Variants in SERGEF observed in about 807,000 individuals in gnomAD.
SERGEF encodes secretion-regulating guanine nucleotide exchange factor.
Under a neutral mutation model 50.0 loss-of-function variants are expected in SERGEF, and 51 were observed. The observed-to-expected ratio is 1.02, with a 90% CI of 0.81 to 1.29. The LOEUF (loss-of-function observed/expected upper bound fraction) is 1.29. Ranked by LOEUF, SERGEF falls within the 50% of genes most tolerant of loss-of-function variation. SERGEF has a pLI of 0.00. For missense variants in SERGEF, 521 were observed against 557.0 expected (o/e 0.94, Z 0.65); for synonymous variants, 205 against 212.4 (o/e 0.97, Z 0.30).
chr11:17,869,575 G>A (rs953420769), intron 10 of SERGEF, among the ~76,000 whole-genome samples: 2 of 152,168 alleles, frequency 1.3e-5, no homozygotes, highest in African/African-American at 4.8e-5. Flanking sequence ...GTCCTCACAT[G>A]GCAAAAGGGG....
chr11:17,796,333 G>A (rs1427415005), intron 10 of SERGEF, among the ~76,000 whole-genome samples: 1 of 152,172 alleles, frequency 6.6e-6, no homozygotes, highest in Non-Finnish European at 1.5e-5. Flanking sequence ...GTTGGGCCCT[G>A]CTATGGTTTG....
rs1461172801 is a variant in SERGEF at position 17,828,837 on chromosome 11, G to GA, written c.1049-40425dup. Among the ~76,000 whole-genome samples, 3 of 152,070 alleles carry GA rather than the reference G, an allele frequency of 2.0e-5. No homozygotes were observed. In the East Asian group the frequency reaches 5.8e-4, roughly 29 times the overall value. The stretch of plus-strand genomic sequence containing the variant: ...TACGACATTCAACCCCTGCTTCCCC[G>GA]AGAGTCCCTACAGGCTCATCAAGGT... On this transcript the variant is annotated intron_variant, in intron 10 of 10. Coordinates refer to ENST00000265965, the MANE Select transcript of SERGEF (RefSeq NM_012139.4).
intron 9 of SERGEF, among the ~76,000 whole-genome samples, chr11:17,941,650 G>A (rs1485637929): frequency 6.6e-6 from 1 of 152,152 alleles, no homozygotes; most frequent in African/African-American, 2.4e-5. Flanking sequence ...TATATATCCA[G>A]AAGTGGAATT....
At chr11:17,864,873 A>G (rs1850992985) in intron 10 of SERGEF, among the ~76,000 whole-genome samples, 1 of 152,198 alleles carries the variant, frequency 6.6e-6, no homozygotes, top group African/African-American at 2.4e-5. Context: ...GTAATGCCTT[A>G]GGACTGCTCT....
intron 5 of SERGEF, among the ~76,000 whole-genome samples, chr11:17,997,912 G>T (rs1853871710): frequency 6.6e-6 from 1 of 152,276 alleles, no homozygotes. Context: ...AATGGGTATA[G>T]AGTTTCAATT....
chr11:17,999,061 C>A (rs1463496410), intron 5 of SERGEF, among the ~76,000 whole-genome samples: 1 of 152,020 alleles, frequency 6.6e-6, no homozygotes, highest in South Asian at 2.1e-4. Context: ...TGAATGTCTA[C>A]GGAATTATGT....
chr11:18,012,766 C>CCCTT lies in SERGEF; in HGVS notation c.60+181_60+184dup. 8.4e-6 allele frequency: 12 copies of CCCTT among 1,436,120 alleles called. No individual in the cohort carries two copies. In the South Asian group the frequency reaches 1.5e-4, roughly 18 times the overall value. 89.0% of individuals were successfully genotyped at this position (1,436,120 alleles called of 1,614,324 possible). A position where few individuals can be genotyped will look rare whatever the true frequency, so the allele number is the denominator to read the frequency against. ...CAGGCCCCTAAGTCGACCGCGAAGA[C>CCCTT]CCTTCCTTCCCCGCCCGCCCGCTCC... On this transcript the variant is annotated intron_variant, in intron 1 of 10. Transcript: ENST00000265965.
chr11:17,860,812 G>A (rs765740124), intron 10 of SERGEF, among the ~76,000 whole-genome samples: 5 of 152,272 alleles, frequency 3.3e-5, no homozygotes, highest in African/African-American at 9.6e-5. Flanking sequence ...ATACAGAAGC[G>A]TATGTAAGAT....
In SERGEF at chr11:17,818,376, G is replaced by A. The variant is rs566485238; in HGVS notation, c.1049-29963C>T. Among the ~76,000 whole-genome samples, 13 of 152,184 alleles carry A rather than the reference G, an allele frequency of 8.5e-5. No homozygotes were observed. The East Asian group carries it at 2.3e-3, about 27-fold the overall frequency. On this transcript the variant is annotated intron_variant, in intron 10 of 10. Coordinates refer to ENST00000265965, the MANE Select transcript of SERGEF (RefSeq NM_012139.4). ...TGATTATAAGAAAAAAATGAAGTAG[G>A]AAATTTTACAGAAAATATCTACTAA...
intron 10 of SERGEF, among the ~76,000 whole-genome samples, chr11:17,864,576 C>T (rs1292474745): frequency 6.6e-6 from 1 of 152,140 alleles, no homozygotes; most frequent in African/African-American, 2.4e-5. Flanking sequence ...ATGTTTCTGG[C>T]CTGTTGGAGA....
chr11:17,887,581 G>A (rs1851454171), intron 9 of SERGEF, among the ~76,000 whole-genome samples: 1 of 152,212 alleles, frequency 6.6e-6, no homozygotes, highest in South Asian at 2.1e-4. Flanking sequence ...TACTAACGAG[G>A]ATGTGAAATA....
intron 6 of SERGEF, among the ~76,000 whole-genome samples, chr11:17,994,050 A>T (rs901040020): frequency 6.6e-6 from 1 of 152,220 alleles, no homozygotes; most frequent in South Asian, 2.1e-4. Flanking sequence ...TAAAATATAG[A>T]GCAAAATGAC....
intron 10 of SERGEF, among the ~76,000 whole-genome samples, chr11:17,844,949 CCT>C (rs949857059): frequency 3.3e-5 from 5 of 152,184 alleles, no homozygotes; most frequent in Non-Finnish European, 7.4e-5. Context: ...ACAAAAAACC[CCT>C]GTTTTAAGAA....
chr11:17,831,201 G>A (rs956329351), intron 10 of SERGEF, among the ~76,000 whole-genome samples: 1 of 152,218 alleles, frequency 6.6e-6, no homozygotes, highest in African/African-American at 2.4e-5. Context: ...TGATTCAGCA[G>A]GATGAGATAG....
Position 17,995,812 on chromosome 11 carries a change from T to C in SERGEF, c.606A>G (p.Glu202=), listed in dbSNP as rs1051899553. 1.2e-6 allele frequency: 2 copies of C among 1,612,998 alleles called. No homozygotes were observed. The highest frequency in any genetic ancestry group is 2.7e-5 in the African/African-American group (2 of 74,892). ...GCATCTTACCTGTCACTCTGCTTGGTTCCTTTGCTGTGAAAAACAATGGAA... is the reference window on the plus strand; with the variant it reads ...GCATCTTACCTGTCACTCTGCTTGGCTCCTTTGCTGTGAAAAACAATGGAA... ...QTLPLFFTAK[E]PSRVTGLENS... is the part of the protein sequence containing the mutation. The change falls in exon 6 of 11, where the codon GAA becomes GAG. Residue 202 remains glutamate, a synonymous_variant. Transcript: ENST00000265965.
At chr11:17,803,040 C>A (rs1379688035) in intron 10 of SERGEF, among the ~76,000 whole-genome samples, 2 of 152,212 alleles carry the variant, frequency 1.3e-5, no homozygotes, top group African/African-American at 4.8e-5. Flanking sequence ...GTCACTTGCC[C>A]CAGGAGGGGC....
At chr11:17,827,677 T>G (rs1850222542) in intron 10 of SERGEF, among the ~76,000 whole-genome samples, 1 of 152,064 alleles carries the variant, frequency 6.6e-6, no homozygotes, top group Non-Finnish European at 1.5e-5. Flanking sequence ...GAAAAACAGA[T>G]TTGGGAAATG....
intron 10 of SERGEF, among the ~76,000 whole-genome samples, chr11:17,850,982 C>T (rs1001955321): frequency 3.3e-5 from 5 of 152,146 alleles, no homozygotes; most frequent in African/African-American, 1.2e-4. Flanking sequence ...GCTGCTTATT[C>T]ACTATATAAC....
chr11:17,944,947 C>T (rs989320894), intron 9 of SERGEF, among the ~76,000 whole-genome samples: 1 of 152,174 alleles, frequency 6.6e-6, no homozygotes, highest in East Asian at 1.9e-4. Context: ...AGAATGATCT[C>T]ATGAACAAAG....
Sources: allele counts gnomAD v4.1 joint callset (sites outside exome capture counted in the v4.1 genomes callset), GRCh38; gene constraint gnomAD v4.1.1; transcripts MANE v1.5; gene names NCBI Gene and HGNC (gene_info 2026-07-23, HGNC 2026-07-21).